The following ME3 variants were observed in gnomAD, a reference collection of about 807,000 sequenced individuals.
ME3 encodes the protein malic enzyme 3.
A neutral mutation model predicts 68.9 loss-of-function variants in ME3; 48 were observed. That is an observed-to-expected ratio of 0.70 (90% CI 0.55 to 0.89). ME3 has a LOEUF of 0.89. ME3 is among the 40% of genes least tolerant of loss of function. The pLI is 0.00. For missense variants in ME3, 675 were observed against 797.4 expected, an observed-to-expected ratio of 0.85 and a Z score of 1.85; for synonymous variants, 320 against 318.8, an observed-to-expected ratio of 1.00 and a Z score of -0.04.
chr11:86,494,573 T>C (rs1413054686), intron 6 of ME3, among the ~76,000 whole-genome samples: 1 of 152,148 alleles, frequency 6.6e-6, no homozygotes, highest in Non-Finnish European at 1.5e-5. Context: ...ACAGGGGTAC[T>C]CTGGTCCCTC....
chr11:86,658,039 G>A (rs2135473325), intron 2 of ME3, among the ~76,000 whole-genome samples: 1 of 152,214 alleles, frequency 6.6e-6, no homozygotes, highest in Middle Eastern at 3.4e-3. Flanking sequence ...AAGAACCTCA[G>A]GATATGCCTC....
In ME3 at chr11:86,593,056, A is replaced by C. The variant is rs1039419915; in HGVS notation, c.184-33233T>G. 2.0e-5 allele frequency among the ~76,000 whole-genome samples: 3 copies of C among 152,194 alleles called. No homozygotes were observed. In the East Asian group the frequency reaches 5.8e-4, roughly 29 times the overall value. ...AAGGTTTCAGCATGACTGGGTATGA[A>C]AAGAGAACAAAGAAGCTTCCTGGAG... On this transcript the variant is annotated intron_variant, in intron 2 of 14. Coordinates refer to ENST00000543262, the Ensembl canonical transcript of ME3.
intron 4 of ME3, among the ~76,000 whole-genome samples, chr11:86,542,192 T>A (rs1956091093): frequency 6.6e-6 from 1 of 152,104 alleles, no homozygotes; most frequent in Non-Finnish European, 1.5e-5. Flanking sequence ...TCCACAAAGA[T>A]GAGGAAAAAG....
intron 2 of ME3, among the ~76,000 whole-genome samples, chr11:86,598,123 C>T (rs12365092): frequency 0.33 from 50,328 of 152,002 alleles, 9,995 homozygotes; most frequent in Non-Finnish European, 0.45. Flanking sequence ...GTGCACCATG[C>T]GCCAGCCGAA....
intron 2 of ME3, among the ~76,000 whole-genome samples, chr11:86,651,902 A>G (rs1945462101): frequency 6.6e-6 from 1 of 152,136 alleles, no homozygotes; most frequent in African/African-American, 2.4e-5. Context: ...TCCTTAAAGG[A>G]CCTCATGGAG....
intron 8 of ME3, 86 bp from the exon 9 acceptor site, chr11:86,450,484 G>T: frequency 1.8e-6 from 2 of 1,096,914 alleles, no homozygotes; most frequent in East Asian, 2.5e-5. Context: ...CCCACATCTG[G>T]GACTGTGGAG....
intron 7 of ME3, among the ~76,000 whole-genome samples, chr11:86,480,619 T>C (rs1025579081): frequency 6.6e-6 from 1 of 152,216 alleles, no homozygotes; most frequent in African/African-American, 2.4e-5. Context: ...ATGTGCCTGC[T>C]TGTGGAGAAG....
At chr11:86,609,586 C>T (rs924101272) in intron 2 of ME3, among the ~76,000 whole-genome samples, 3 of 152,186 alleles carry the variant, frequency 2.0e-5, no homozygotes, top group Non-Finnish European at 4.4e-5. Flanking sequence ...CATGCACACA[C>T]ACACACCCCT....
chr11:86,566,633 A>C (rs924114897), intron 2 of ME3, among the ~76,000 whole-genome samples: 2 of 152,196 alleles, frequency 1.3e-5, no homozygotes, highest in African/African-American at 4.8e-5. Flanking sequence ...AAGATTTTAC[A>C]ACCTTCCCTT....
At chr11:86,517,515 A>C (rs186308299) in intron 4 of ME3, among the ~76,000 whole-genome samples, 1 of 152,242 alleles carries the variant, frequency 6.6e-6, no homozygotes, top group Non-Finnish European at 1.5e-5. Context: ...GCTCAGTTCC[A>C]ATTTAATCAG....
chr11:86,438,490 G>C (rs187842786), downstream of ME3, among the ~76,000 whole-genome samples: 2 of 152,218 alleles, frequency 1.3e-5, no homozygotes, highest in Non-Finnish European at 2.9e-5. Flanking sequence ...TAGTATCATA[G>C]AATGATTTGG....
At chr11:86,572,723 G>C (rs1166493768) in intron 2 of ME3, among the ~76,000 whole-genome samples, 2 of 152,128 alleles carry the variant, frequency 1.3e-5, no homozygotes, top group East Asian at 3.8e-4. Flanking sequence ...TATTGTAAAT[G>C]GTGCTGCAAT....
chr11:86,530,071 G>A lies in ME3; in HGVS notation c.468-21204C>T, dbSNP rs150321992. On this transcript the variant is annotated intron_variant, in intron 4 of 14. Transcript: ENST00000543262. Reference sequence around the variant, plus strand: ...GAAAAGAGGACGTCAAATTGTCCCCGTTTGCAGATGACATTGTATATCTAG... The same window carrying A: ...GAAAAGAGGACGTCAAATTGTCCCCATTTGCAGATGACATTGTATATCTAG... 2.2e-3 allele frequency among the ~76,000 whole-genome samples: 331 copies of A among 152,262 alleles called. 3 individuals are homozygous for A. Among genetic ancestry groups the A allele is most frequent in the African/African-American group, 7.6e-3 (317 of 41,546 alleles).
Position 86,533,820 on chromosome 11 carries a change from G to A in ME3, c.467+22733C>T, listed in dbSNP as rs146594849. Among the ~76,000 whole-genome samples the A allele has an allele frequency of 6.4e-3, 972 of 152,196 alleles. 9 individuals carry two copies. Among genetic ancestry groups the A allele is most frequent in the African/African-American group, 0.023 (935 of 41,504 alleles). On this transcript the variant is annotated intron_variant, in intron 4 of 14. Transcript: ENST00000543262. ...CATCATTGTGTGAACACTGTAAAGTGCACTTACACAAACCTAGATGGTATA... is the reference window on the plus strand; with the variant it reads ...CATCATTGTGTGAACACTGTAAAGTACACTTACACAAACCTAGATGGTATA...
chr11:86,489,412 A>G (rs1032666812), intron 6 of ME3, among the ~76,000 whole-genome samples: 1 of 152,214 alleles, frequency 6.6e-6, no homozygotes, highest in Non-Finnish European at 1.5e-5. Context: ...AACATATGCT[A>G]TAAAACAGTG....
At chr11:86,560,772 A>ATATATATATATATATATATT (rs1594451668) in intron 2 of ME3, among the ~76,000 whole-genome samples, 1 of 127,156 alleles carries the variant, frequency 7.9e-6, no homozygotes, top group African/African-American at 3.0e-5. Context: ...ATATATATAT[A>ATATATATATATATATATATT]TTTCCAGGAC....
intron 2 of ME3, among the ~76,000 whole-genome samples, chr11:86,582,401 G>A (rs914147789): frequency 1.3e-5 from 2 of 152,216 alleles, no homozygotes; most frequent in African/African-American, 4.8e-5. Context: ...ACCTGTAAAT[G>A]TTGATTCCAG....
intron 2 of ME3, among the ~76,000 whole-genome samples, chr11:86,626,391 C>G (rs539826669): frequency 2.6e-5 from 4 of 152,342 alleles, no homozygotes; most frequent in Admixed American, 2.6e-4. Flanking sequence ...GTGGCAACAG[C>G]TCAGTGTAGT....
At chr11:86,440,821 A>C (rs1167535164), downstream of ME3, among the ~76,000 whole-genome samples, 1 of 152,162 alleles carries the variant, frequency 6.6e-6, no homozygotes, top group Non-Finnish European at 1.5e-5. Flanking sequence ...CAGTGTAAAC[A>C]CTGCTCTCCC....
Sources: allele counts gnomAD v4.1 joint callset (sites outside exome capture counted in the v4.1 genomes callset), GRCh38; gene constraint gnomAD v4.1.1; transcripts MANE v1.5; gene names NCBI Gene and HGNC (gene_info 2026-07-23, HGNC 2026-07-21).